The following PID1 variants were observed in gnomAD, a reference collection of about 807,000 sequenced individuals.
PID1 encodes PTB-containing, cubilin and LRP1-interacting protein.
Under a neutral mutation model 19.1 loss-of-function variants are expected in PID1, and 10 were observed. That is an observed-to-expected ratio of 0.52 (90% CI 0.32 to 0.89). The LOEUF is 0.89. Among genes scored for constraint, PID1 ranks in the 40% least tolerant of loss-of-function variants. PID1 has a pLI of 0.03. For synonymous variants in PID1, 130 were observed against 116.0 expected (o/e 1.12, Z -0.78); for missense variants, 248 against 285.3 (o/e 0.87, Z 0.94).
At chr2:229,268,813 C>T (rs1559310151) in intron 1 of PID1, among the ~76,000 whole-genome samples, 1 of 151,712 alleles carries the variant, frequency 6.6e-6, no homozygotes, top group African/African-American at 2.4e-5. Flanking sequence ...TTCTATATCA[C>T]GGTGAAAGGA....
At chr2:229,058,220 TC>T (rs1343621638) in intron 2 of PID1, among the ~76,000 whole-genome samples, 2 of 152,162 alleles carry the variant, frequency 1.3e-5, no homozygotes, top group Non-Finnish European at 2.9e-5. Flanking sequence ...CTCAGAAAAA[TC>T]AATAAAAACA....
At chr2:229,261,319 G>A (rs956022878) in intron 1 of PID1, among the ~76,000 whole-genome samples, 21 of 152,168 alleles carry the variant, frequency 1.4e-4, no homozygotes, top group African/African-American at 4.1e-4. Context: ...AATACATTAA[G>A]CTACCAAGAT....
chr2:229,071,815 T>C (rs770667493), intron 2 of PID1, among the ~76,000 whole-genome samples: 14 of 152,354 alleles, frequency 9.2e-5, no homozygotes, highest in East Asian at 7.7e-4. Context: ...AAAGATATTA[T>C]GGTGAAAAAG....
chr2:229,113,232 G>A (rs1695334707), intron 2 of PID1, among the ~76,000 whole-genome samples: 1 of 151,896 alleles, frequency 6.6e-6, no homozygotes, highest in African/African-American at 2.4e-5. Flanking sequence ...GAATTTGTTG[G>A]AGTAGATGTC....
chr2:229,059,320 A>G (rs1215318481), intron 2 of PID1, among the ~76,000 whole-genome samples: 1 of 152,186 alleles, frequency 6.6e-6, no homozygotes, highest in East Asian at 1.9e-4. Flanking sequence ...AAAAAGAAAA[A>G]CTAAAGCATC....
chr2:229,234,703 C>T (rs560659352), intron 1 of PID1, among the ~76,000 whole-genome samples: 1 of 152,128 alleles, frequency 6.6e-6, no homozygotes, highest in African/African-American at 2.4e-5. Context: ...GAATGGGGGG[C>T]CATTTGCCTA....
intron 2 of PID1, among the ~76,000 whole-genome samples, chr2:229,039,971 A>T (rs1693735645): frequency 6.6e-6 from 1 of 152,216 alleles, no homozygotes; most frequent in Non-Finnish European, 1.5e-5. Flanking sequence ...TAATCATAAG[A>T]TACATAAAAC....
chr2:229,083,088 A>G (rs1018870700), intron 2 of PID1, among the ~76,000 whole-genome samples: 5 of 152,214 alleles, frequency 3.3e-5, no homozygotes, highest in Admixed American at 2.0e-4. Context: ...AAAAAAGCAC[A>G]TTGAAGAATG....
At chr2:229,190,795 T>TG (rs1310999359) in intron 1 of PID1, among the ~76,000 whole-genome samples, 3 of 152,160 alleles carry the variant, frequency 2.0e-5, no homozygotes, top group Non-Finnish European at 2.9e-5. Context: ...CAATTTGTTG[T>TG]GGGCTGGGTT....
At chr2:229,180,212 G>A (rs905949377) in intron 1 of PID1, among the ~76,000 whole-genome samples, 1 of 152,116 alleles carries the variant, frequency 6.6e-6, no homozygotes, top group Admixed American at 6.5e-5. Flanking sequence ...CTTAGGCAAT[G>A]CACAGAACAG....
intron 2 of PID1, among the ~76,000 whole-genome samples, chr2:229,140,885 T>C (rs893197542): frequency 1.3e-5 from 2 of 152,128 alleles, no homozygotes; most frequent in African/African-American, 4.8e-5. Context: ...ATCAGTAGTG[T>C]TTCTTTTGTT....
intron 2 of PID1, among the ~76,000 whole-genome samples, chr2:229,049,012 A>G (rs1353215373): frequency 1.3e-5 from 2 of 152,188 alleles, no homozygotes; most frequent in Non-Finnish European, 2.9e-5. Flanking sequence ...AAAAGAAGAG[A>G]GGAGACACTG....
Position 229,055,083 on chromosome 2 carries a change from G to A in PID1, c.178-28975C>T, listed in dbSNP as rs576864993. On this transcript the variant is annotated intron_variant, in intron 2 of 2. Coordinates refer to ENST00000392055, the MANE Select transcript of PID1 (RefSeq NM_001100818.2). ...GGGACAAGACATGGTGACTGACTAG[G>A]TACTCTGAATTCGTCCATTGTGGTC... Among the ~76,000 whole-genome samples the A allele has an allele frequency of 3.3e-5, 5 of 152,162 alleles. 1 individual carries two copies. The South Asian group carries it at 1.0e-3, about 32-fold the overall frequency.
At chr2:229,140,257 C>T (rs1689984646) in intron 2 of PID1, among the ~76,000 whole-genome samples, 1 of 152,104 alleles carries the variant, frequency 6.6e-6, no homozygotes, top group South Asian at 2.1e-4. Flanking sequence ...CTCCACCAAT[C>T]CATTTGTCAT....
chr2:229,188,109 C>CA (rs926880761), intron 1 of PID1, among the ~76,000 whole-genome samples: 5 of 151,904 alleles, frequency 3.3e-5, no homozygotes, highest in African/African-American at 9.7e-5. Context: ...ATCATCAAAA[C>CA]AAAAAAAGCA....
At chr2:229,069,183 T>A (rs1470846709) in intron 2 of PID1, among the ~76,000 whole-genome samples, 1 of 54,506 alleles carries the variant, frequency 1.8e-5, no homozygotes, top group Non-Finnish European at 4.5e-5. Flanking sequence ...GTGTGTGAGA[T>A]GAGGGAGCAA....
Position 229,025,335 on chromosome 2 carries a change from G to T in PID1, c.*297C>A, listed in dbSNP as rs571363452. 72 of 363,830 alleles carry T rather than the reference G, an allele frequency of 2.0e-4. No homozygotes were observed. The highest frequency in any genetic ancestry group is 1.5e-3 in the African/African-American group (72 of 47,766). The allele number at this position is 363,830 out of a possible 1,614,324, so 22.5% of individuals were successfully genotyped here. ...ATTTGCCTGAGCGTGGTGAAAACTGGCATGGAGCTCTCCCACAGAGAGGCA... is the reference window on the plus strand; with the variant it reads ...ATTTGCCTGAGCGTGGTGAAAACTGTCATGGAGCTCTCCCACAGAGAGGCA... On this transcript the variant is annotated 3_prime_UTR_variant, in exon 3 of 3. Coordinates refer to ENST00000392055, the MANE Select transcript of PID1 (RefSeq NM_001100818.2).
intron 1 of PID1, among the ~76,000 whole-genome samples, chr2:229,236,147 G>C (rs1689661629): frequency 2.5e-5 from 1 of 39,412 alleles, no homozygotes; most frequent in Non-Finnish European, 5.5e-5. Context: ...TATTAGCAAT[G>C]GTTTTTGGCT....
At chr2:229,192,909 G>A (rs753566607) in intron 1 of PID1, among the ~76,000 whole-genome samples, 9 of 152,206 alleles carry the variant, frequency 5.9e-5, no homozygotes, top group South Asian at 2.1e-4. Flanking sequence ...GAACAATACC[G>A]GAACATAAAT....
Sources: gnomAD v4.1 joint callset for allele counts (sites outside exome capture counted in the v4.1 genomes callset) on GRCh38, gnomAD v4.1.1 for gene constraint, MANE v1.5 for transcripts, NCBI Gene and HGNC (gene_info 2026-07-23, HGNC 2026-07-21) for gene names.